The following CHSY3 variants were observed in gnomAD, a reference collection of about 807,000 sequenced individuals.
CHSY3 encodes N-acetylgalactosaminyl-proteoglycan 3-beta-glucuronosyltransferase 3.
A neutral mutation model predicts 67.2 loss-of-function variants in CHSY3; 35 were observed. The ratio of observed to expected loss-of-function variants is 0.52; its 90% CI spans 0.40 to 0.69. CHSY3 has a LOEUF of 0.69. Ranked by LOEUF, CHSY3 falls within the 30% of genes least tolerant of loss-of-function variation. The pLI, the probability that CHSY3 is intolerant of heterozygous loss-of-function variation, is 0.00. For synonymous variants in CHSY3, 474 were observed against 434.7 expected (o/e 1.09, Z -1.12); for missense variants, 1,069 against 1,138.5 (o/e 0.94, Z 0.88).
chr5:129,954,819 C>T (rs1266109510), intron 2 of CHSY3, among the ~76,000 whole-genome samples: 1 of 152,054 alleles, frequency 6.6e-6, no homozygotes, highest in Non-Finnish European at 1.5e-5. Context: ...GATTTTTGCA[C>T]ATTGATTTTG....
intron 2 of CHSY3, among the ~76,000 whole-genome samples, chr5:129,909,520 C>T (rs1336158906): frequency 2.0e-5 from 3 of 151,954 alleles, no homozygotes; most frequent in South Asian, 2.1e-4. Flanking sequence ...TTATACATTA[C>T]AGAAAGTAAA....
intron 2 of CHSY3, among the ~76,000 whole-genome samples, chr5:130,065,786 C>A (rs1182175962): frequency 1.3e-5 from 2 of 152,128 alleles, no homozygotes; most frequent in Non-Finnish European, 2.9e-5. Flanking sequence ...TGTTTAATCA[C>A]AGCCATTCAT....
intron 2 of CHSY3, among the ~76,000 whole-genome samples, chr5:129,984,427 C>T (rs1763112216): frequency 6.6e-6 from 1 of 152,036 alleles, no homozygotes; most frequent in Non-Finnish European, 1.5e-5. Context: ...TCCAGTCCAC[C>T]ATTGATGGCC....
chr5:129,954,399 GA>G (rs1161862046), intron 2 of CHSY3, among the ~76,000 whole-genome samples: 3 of 151,320 alleles, frequency 2.0e-5, no homozygotes, highest in Non-Finnish European at 4.4e-5. Flanking sequence ...AGTATAGTTT[GA>G]AGTCAGGTAG....
intron 2 of CHSY3, among the ~76,000 whole-genome samples, chr5:130,051,734 A>G (rs2149671733): frequency 6.6e-6 from 1 of 152,262 alleles, no homozygotes; most frequent in South Asian, 2.1e-4. Context: ...ACCCGGGCAG[A>G]TGAAATGCAA....
chr5:130,142,284 G>A lies in CHSY3; in HGVS notation c.1087-41945G>A, dbSNP rs1024844179. Reference sequence around the variant, plus strand: ...CTTCAGAGTACTTTGAAACTCACAAGTGTGCATATGCAGTGATTATGTATT... The same window carrying A: ...CTTCAGAGTACTTTGAAACTCACAAATGTGCATATGCAGTGATTATGTATT... On this transcript the variant is annotated intron_variant, in intron 2 of 2. Transcript: ENST00000305031. Among the ~76,000 whole-genome samples, 7 of 152,268 alleles carry A rather than the reference G, an allele frequency of 4.6e-5. No individual in the cohort carries two copies. In the South Asian group the frequency reaches 1.5e-3, roughly 32 times the overall value.
At chr5:129,999,298 T>A (rs1486157465) in intron 2 of CHSY3, among the ~76,000 whole-genome samples, 1 of 152,188 alleles carries the variant, frequency 6.6e-6, no homozygotes, top group Non-Finnish European at 1.5e-5. Flanking sequence ...GAGACTGTTA[T>A]GATTGAAAAC....
At chr5:130,110,660 A>G (rs1006411858) in intron 2 of CHSY3, among the ~76,000 whole-genome samples, 3 of 151,940 alleles carry the variant, frequency 2.0e-5, no homozygotes, top group African/African-American at 7.2e-5. Flanking sequence ...GATGAAAACT[A>G]CTTCCAACTC....
chr5:129,930,506 GGC>G (rs146499522), intron 2 of CHSY3, among the ~76,000 whole-genome samples: 2,895 of 95,056 alleles, frequency 0.03, 122 homozygotes, highest in African/African-American at 0.11. Context: ...AGGCATCACT[GGC>G]GGGGGGGGGG....
intron 2 of CHSY3, among the ~76,000 whole-genome samples, chr5:130,178,536 G>A (rs1414465430): frequency 6.6e-6 from 1 of 151,994 alleles, no homozygotes; most frequent in Non-Finnish European, 1.5e-5. Flanking sequence ...ACAGGCGTGA[G>A]CCACAGCACC....
chr5:130,081,332 G>A (rs989041580), intron 2 of CHSY3, among the ~76,000 whole-genome samples: 9 of 150,702 alleles, frequency 6.0e-5, no homozygotes, highest in African/African-American at 2.2e-4. Context: ...TGTTGGTGGG[G>A]TGGGTGGGGG....
chr5:130,118,905 A>G (rs1345111625), intron 2 of CHSY3, among the ~76,000 whole-genome samples: 3 of 152,186 alleles, frequency 2.0e-5, no homozygotes, highest in Admixed American at 1.3e-4. Flanking sequence ...AGGAGGAAGG[A>G]ACATGATGAC....
chr5:130,140,978 A>G (rs1005734096), intron 2 of CHSY3: 2 of 674,374 alleles, frequency 3.0e-6, no homozygotes, highest in Non-Finnish European at 3.7e-6. Context: ...CTCCGTAGAG[A>G]AGGCCCTTGG....
At chr5:130,029,093 A>C in intron 2 of CHSY3, among the ~76,000 whole-genome samples, 1 of 152,190 alleles carries the variant, frequency 6.6e-6, no homozygotes, top group African/African-American at 2.4e-5. Context: ...ACAGAAAAGA[A>C]ATTACTACTT....
intron 2 of CHSY3, among the ~76,000 whole-genome samples, chr5:130,162,881 T>G (rs1405170864): frequency 6.6e-6 from 1 of 152,196 alleles, no homozygotes; most frequent in Non-Finnish European, 1.5e-5. Flanking sequence ...CGCAATCAAC[T>G]CAGATCTAAA....
At chr5:130,069,230 T>G (rs1356282569) in intron 2 of CHSY3, among the ~76,000 whole-genome samples, 1 of 152,072 alleles carries the variant, frequency 6.6e-6, no homozygotes, top group Non-Finnish European at 1.5e-5. Flanking sequence ...ACATGGGATG[T>G]AAATGCATTT....
intron 2 of CHSY3, among the ~76,000 whole-genome samples, chr5:130,099,447 A>G (rs946134833): frequency 1.1e-4 from 17 of 152,232 alleles, no homozygotes; most frequent in African/African-American, 4.1e-4. Flanking sequence ...GTGACTATGG[A>G]AAGTCTTATA....
chr5:130,111,317 G>A (rs1306689177), intron 2 of CHSY3, among the ~76,000 whole-genome samples: 1 of 152,050 alleles, frequency 6.6e-6, no homozygotes, highest in Admixed American at 6.6e-5. Flanking sequence ...TCAGCCAGTT[G>A]TTTAAAATTC....
chr5:129,970,447 T>TAGATAGATAGAC (rs1554073500), intron 2 of CHSY3, among the ~76,000 whole-genome samples: 12 of 123,632 alleles, frequency 9.7e-5, no homozygotes, highest in African/African-American at 3.5e-4. Flanking sequence ...GATAGATAGA[T>TAGATAGATAGAC]AGACAGACAG....
Sources: gnomAD v4.1 joint callset for allele counts (sites outside exome capture counted in the v4.1 genomes callset) on GRCh38, gnomAD v4.1.1 for gene constraint, MANE v1.5 for transcripts, NCBI Gene and HGNC (gene_info 2026-07-23, HGNC 2026-07-21) for gene names.